SNX29: variants seen among roughly 807,000 people sequenced by gnomAD.
SNX29 encodes the protein sorting nexin 29.
A neutral mutation model predicts 102.1 loss-of-function variants in SNX29; 78 were observed. The observed-to-expected ratio is 0.76, with a 90% CI of 0.64 to 0.92. The LOEUF (loss-of-function observed/expected upper bound fraction) is 0.92, where lower values mean the gene tolerates loss of function less well. Ranked by LOEUF, SNX29 falls within the 40% of genes least tolerant of loss-of-function variation. SNX29 has a pLI of 0.00. For missense variants in SNX29, 1,280 were observed against 1,061.7 expected (o/e 1.21, Z -2.86); for synonymous variants, 580 against 414.5 (o/e 1.40, Z -4.85).
At chr16:12,231,525 G>A (rs1193500746) in intron 14 of SNX29, among the ~76,000 whole-genome samples, 4 of 142,382 alleles carry the variant, frequency 2.8e-5, no homozygotes, top group African/African-American at 1.0e-4. Context: ...CAATTGTTGG[G>A]CCTTTTTAAA....
At chr16:12,229,678 G>A (rs1192927006) in intron 14 of SNX29, among the ~76,000 whole-genome samples, 3 of 151,600 alleles carry the variant, frequency 2.0e-5, no homozygotes, top group African/African-American at 4.9e-5. Flanking sequence ...AAGATCTACC[G>A]TCAAAGGGAT....
chr16:12,521,093 C>G (rs1358424349), intron 19 of SNX29, among the ~76,000 whole-genome samples: 1 of 151,990 alleles, frequency 6.6e-6, no homozygotes, highest in African/African-American at 2.4e-5. Context: ...GGTAGGAGGA[C>G]TGCTTGAACC....
intron 14 of SNX29, among the ~76,000 whole-genome samples, chr16:12,203,063 C>G (rs2076952907): frequency 6.7e-6 from 1 of 149,142 alleles, no homozygotes; most frequent in Non-Finnish European, 1.5e-5. Flanking sequence ...GGACTGGTGG[C>G]ATTGGAGGTG....
chr16:12,334,378 T>C (rs2081381570), intron 15 of SNX29, among the ~76,000 whole-genome samples: 1 of 152,150 alleles, frequency 6.6e-6, no homozygotes, highest in Non-Finnish European at 1.5e-5. Context: ...CCTGTGTAGG[T>C]GAGTCCCACC....
chr16:12,567,702 C>CA (rs1240331592), intron 20 of SNX29, among the ~76,000 whole-genome samples: 3 of 152,168 alleles, frequency 2.0e-5, no homozygotes, highest in Non-Finnish European at 2.9e-5. Flanking sequence ...ATCGAGGCTG[C>CA]AGCAAGTTAT....
chr16:12,569,314 C>T lies in SNX29; in HGVS notation c.*685C>T, dbSNP rs938757129. On this transcript the variant is annotated 3_prime_UTR_variant, in exon 21 of 21. Coordinates refer to ENST00000566228, the MANE Select transcript of SNX29 (RefSeq NM_032167.5). Reference sequence around the variant, plus strand: ...CCCCCATGGCTGGCTTCAGGAAGGACCAGTGCCCTCCATAGCCTGAGGCCA... The same window carrying T: ...CCCCCATGGCTGGCTTCAGGAAGGATCAGTGCCCTCCATAGCCTGAGGCCA... The T allele has an allele frequency of 1.7e-5, 4 of 229,710 alleles. No homozygotes were observed. The highest frequency in any genetic ancestry group is 6.6e-5 in the African/African-American group (3 of 45,128). The allele number at this position is 229,710 out of a possible 1,614,324, so 14.2% of individuals were successfully genotyped here.
chr16:12,505,612 G>A (rs1333152624), intron 19 of SNX29, among the ~76,000 whole-genome samples: 4 of 152,092 alleles, frequency 2.6e-5, no homozygotes, highest in African/African-American at 7.2e-5. Flanking sequence ...GTTAGCTCAC[G>A]TGCTTCCTTG....
intron 18 of SNX29, among the ~76,000 whole-genome samples, chr16:12,404,271 G>T (rs2151516285): frequency 6.6e-6 from 1 of 152,326 alleles, no homozygotes; most frequent in East Asian, 1.9e-4. Context: ...GGCATTGAGT[G>T]TCTGGGGCAG....
chr16:12,416,680 T>A (rs1245333185), intron 18 of SNX29, among the ~76,000 whole-genome samples: 1 of 152,126 alleles, frequency 6.6e-6, no homozygotes, highest in African/African-American at 2.4e-5. Context: ...TTGGAGGCTT[T>A]TAGTCATGGT....
chr16:12,230,452 C>T (rs533694227), intron 14 of SNX29, among the ~76,000 whole-genome samples: 68 of 152,288 alleles, frequency 4.5e-4, no homozygotes, highest in African/African-American at 1.5e-3. Flanking sequence ...AAAGTGCAAA[C>T]GAACCCTCTT....
chr16:12,567,421 G>A lies in SNX29; in HGVS notation c.2319-1085G>A, dbSNP rs549575907. 4.6e-5 allele frequency among the ~76,000 whole-genome samples: 7 copies of A among 152,328 alleles called. No homozygotes were observed. The South Asian group carries it at 1.0e-3, about 23-fold the overall frequency. On this transcript the variant is annotated intron_variant, in intron 20 of 20. Coordinates refer to ENST00000566228, the MANE Select transcript of SNX29 (RefSeq NM_032167.5). ...TTCCTATTCAAATAGCGTATAGTAG[G>A]CAGAGTAAGAACATTCCTAGCCCCA... is the stretch of plus-strand genomic sequence containing the variant.
At chr16:12,470,919 C>T (rs542798463) in intron 18 of SNX29, among the ~76,000 whole-genome samples, 1 of 152,334 alleles carries the variant, frequency 6.6e-6, no homozygotes, top group African/African-American at 2.4e-5. Flanking sequence ...CACCCAGTGA[C>T]ATTGGCATTG....
chr16:12,205,455 CT>C, intron 14 of SNX29, among the ~76,000 whole-genome samples: 1 of 152,324 alleles, frequency 6.6e-6, no homozygotes, highest in East Asian at 1.9e-4. Flanking sequence ...TGATCTGGCT[CT>C]TCCCTAAGTT....
chr16:11,977,084 C>A (rs1330074115), intron 1 of SNX29: 6 of 376,726 alleles, frequency 1.6e-5, no homozygotes, highest in African/African-American at 2.1e-5. Context: ...CCCAGTTGTT[C>A]CAGTCCTGCG....
intron 11 of SNX29, among the ~76,000 whole-genome samples, chr16:12,097,732 G>A (rs2052830083): frequency 6.6e-6 from 1 of 152,176 alleles, no homozygotes; most frequent in Non-Finnish European, 1.5e-5. Flanking sequence ...GGGCCAGGCA[G>A]CAGCTTATGT....
At chr16:12,234,200 C>G (rs888098162) in intron 14 of SNX29, among the ~76,000 whole-genome samples, 1 of 152,140 alleles carries the variant, frequency 6.6e-6, no homozygotes, top group South Asian at 2.1e-4. Flanking sequence ...CCTCACCAAA[C>G]ACTTGTTATT....
intron 11 of SNX29, among the ~76,000 whole-genome samples, chr16:12,090,659 T>C (rs2052481230): frequency 6.6e-6 from 1 of 152,114 alleles, no homozygotes; most frequent in Non-Finnish European, 1.5e-5. Context: ...TCTTCACATA[T>C]CAAATCCATC....
At position 12,051,923 on chromosome 16, in the gene SNX29, G is replaced by A; in HGVS notation, c.825G>A (p.Glu275=). The change falls in exon 8 of 21, where the codon GAG becomes GAA. Residue 275 remains glutamate (E), a synonymous_variant. Transcript: ENST00000566228. ...TCTCATTTGATGATGAGGAAGATGAGCAGAACTCTGGGGACGTGTTTAAAA... is the reference window on the plus strand; with the variant it reads ...TCTCATTTGATGATGAGGAAGATGAACAGAACTCTGGGGACGTGTTTAAAA... The part of the protein sequence containing the change: ...NIISFDDEED[E]QNSGDVFKKT... The A allele has an allele frequency of 1.9e-6, 3 of 1,613,722 alleles. No individual in the cohort carries two copies. Among genetic ancestry groups the A allele is most frequent in the South Asian group, 1.1e-5 (1 of 91,062 alleles).
chr16:12,005,712 G>A (rs968250344), intron 3 of SNX29, among the ~76,000 whole-genome samples: 2 of 152,142 alleles, frequency 1.3e-5, no homozygotes, highest in Admixed American at 1.3e-4. Flanking sequence ...CCAAAAACCC[G>A]AAATTCAAAA....
Sources: allele counts gnomAD v4.1 joint callset (sites outside exome capture counted in the v4.1 genomes callset), GRCh38; gene constraint gnomAD v4.1.1; transcripts MANE v1.5; gene names NCBI Gene and HGNC (gene_info 2026-07-23, HGNC 2026-07-21).